TLE1: variants seen among roughly 807,000 people sequenced by gnomAD.
TLE1 encodes transducin-like enhancer protein 1.
In TLE1, 21 loss-of-function variants were observed where a neutral mutation model predicts 89.8. That is an observed-to-expected ratio of 0.23 (90% CI 0.17 to 0.34). The LOEUF (loss-of-function observed/expected upper bound fraction) is 0.34. TLE1 is among the 10% of genes least tolerant of loss of function. The pLI is 1.00. For synonymous variants in TLE1, 447 were observed against 407.6 expected, an observed-to-expected ratio of 1.10 and a Z score of -1.16; for missense variants, 795 against 1,031.2, an observed-to-expected ratio of 0.77 and a Z score of 3.14.
chr9:81,681,018 T>C (rs1833554667), intron 4 of TLE1, among the ~76,000 whole-genome samples: 1 of 151,880 alleles, frequency 6.6e-6, no homozygotes, highest in South Asian at 2.1e-4. Flanking sequence ...GGTGAGTCCC[T>C]AACAGTCCCA....
intron 14 of TLE1, among the ~76,000 whole-genome samples, chr9:81,605,327 A>C (rs995040772): frequency 6.6e-6 from 1 of 152,122 alleles, no homozygotes; most frequent in African/African-American, 2.4e-5. Context: ...CAGCAACCTG[A>C]GGACTTAGGG....
chr9:81,585,783 G>T, intron 17 of TLE1, 128 bp from the exon 18 acceptor site: 1 of 1,162,036 alleles, frequency 8.6e-7, no homozygotes, highest in Non-Finnish European at 1.2e-6. Context: ...ACTGTGGGGA[G>T]GTCCACAGGG....
chr9:81,638,058 G>A (rs185549670), intron 6 of TLE1, among the ~76,000 whole-genome samples: 39 of 152,260 alleles, frequency 2.6e-4, no homozygotes, highest in Admixed American at 1.8e-3. Context: ...CTGAGACTTC[G>A]CATTTCCCCC....
chr9:81,640,277 A>G (rs1273628558), intron 6 of TLE1, among the ~76,000 whole-genome samples: 16 of 152,092 alleles, frequency 1.1e-4, no homozygotes, highest in Admixed American at 1.0e-3. Flanking sequence ...AAAAATAAAA[A>G]TACTATTCAA....
At chr9:81,673,271 T>TA (rs1832461894) in intron 4 of TLE1, among the ~76,000 whole-genome samples, 1 of 71,872 alleles carries the variant, frequency 1.4e-5, no homozygotes, top group Non-Finnish European at 3.0e-5. Context: ...GAGACTTCAT[T>TA]TAAAAAAAAA....
chr9:81,686,004 C>T, intron 2 of TLE1, 108 bp from the exon 3 acceptor site: 2 of 1,161,460 alleles, frequency 1.7e-6, no homozygotes, highest in Non-Finnish European at 2.5e-6. Flanking sequence ...TTGGAAAAGC[C>T]ATAAACTATC....
intron 14 of TLE1, among the ~76,000 whole-genome samples, chr9:81,605,082 A>T (rs1047708142): frequency 2.6e-5 from 4 of 152,112 alleles, no homozygotes; most frequent in African/African-American, 9.7e-5. Flanking sequence ...GACAGTTCAC[A>T]CTCAGTCTAT....
chr9:81,677,130 C>CGTGG (rs1422754631), intron 4 of TLE1, among the ~76,000 whole-genome samples: 1 of 151,988 alleles, frequency 6.6e-6, no homozygotes, highest in African/African-American at 2.4e-5. Flanking sequence ...CCCAGCTACT[C>CGTGG]GTGGGACTGA....
At chr9:81,614,955 G>C (rs1824229009) in intron 11 of TLE1, among the ~76,000 whole-genome samples, 1 of 151,856 alleles carries the variant, frequency 6.6e-6, no homozygotes, top group South Asian at 2.1e-4. Flanking sequence ...AGCACTTTGG[G>C]AGGCCAAGGC....
intron 8 of TLE1, among the ~76,000 whole-genome samples, chr9:81,622,894 G>A (rs1427689613): frequency 6.6e-6 from 1 of 152,128 alleles, no homozygotes; most frequent in Non-Finnish European, 1.5e-5. Context: ...GGCCCACGCA[G>A]CTGCCGGACG....
intron 14 of TLE1, among the ~76,000 whole-genome samples, chr9:81,596,731 T>C (rs1412504066): frequency 1.3e-5 from 2 of 152,144 alleles, no homozygotes; most frequent in Admixed American, 6.5e-5. Context: ...CAGGCAAAAT[T>C]CATCTGCAGT....
At chr9:81,600,163 A>C (rs780685688) in intron 14 of TLE1, 12 of 710,724 alleles carry the variant, frequency 1.7e-5, no homozygotes, top group Non-Finnish European at 3.1e-5. Context: ...GATGGAAAGT[A>C]AAACAAAAAG....
At chr9:81,631,413 C>G (rs1033024840) in intron 8 of TLE1, among the ~76,000 whole-genome samples, 47 of 152,228 alleles carry the variant, frequency 3.1e-4, no homozygotes, top group African/African-American at 1.1e-3. Flanking sequence ...TTCAGAGAGG[C>G]ACATACCACG....
At chr9:81,624,005 G>A (rs1240188365) in intron 8 of TLE1, among the ~76,000 whole-genome samples, 2 of 152,044 alleles carry the variant, frequency 1.3e-5, no homozygotes, top group African/African-American at 4.8e-5. Flanking sequence ...TCCACCACCT[G>A]CTGATTCCCA....
At chr9:81,603,808 C>T (rs547109117) in intron 14 of TLE1, among the ~76,000 whole-genome samples, 219 of 152,266 alleles carry the variant, frequency 1.4e-3, no homozygotes, top group Non-Finnish European at 2.6e-3. Flanking sequence ...TCAAGACCAG[C>T]CTGGCCAACA....
At chr9:81,612,533 C>T (rs891875750) in intron 12 of TLE1, 2 of 181,806 alleles carry the variant, frequency 1.1e-5, no homozygotes, top group Admixed American at 6.5e-5. Flanking sequence ...GGGCTGGAGT[C>T]GCAGAGAAAC....
chr9:81,682,513 G>A (rs1368360366), intron 4 of TLE1, among the ~76,000 whole-genome samples: 1 of 152,212 alleles, frequency 6.6e-6, no homozygotes, highest in Non-Finnish European at 1.5e-5. Context: ...TCATCAGCAT[G>A]CTGAAAAGAT....
chr9:81,634,331 G>T, intron 6 of TLE1, 30 bp from the exon 7 acceptor site: 1 of 1,396,540 alleles, frequency 7.2e-7, no homozygotes, highest in Non-Finnish European at 9.5e-7. Context: ...GAGAGAAAAA[G>T]GAGGAGGAGG....
At chr9:81,597,619 A>C (rs996941449) in intron 14 of TLE1, among the ~76,000 whole-genome samples, 1 of 152,186 alleles carries the variant, frequency 6.6e-6, no homozygotes, top group Non-Finnish European at 1.5e-5. Flanking sequence ...CTCAGAACTG[A>C]GACCCAGCCC....
Sources: gnomAD v4.1 joint callset for allele counts (sites outside exome capture counted in the v4.1 genomes callset) on GRCh38, gnomAD v4.1.1 for gene constraint, MANE v1.5 for transcripts, NCBI Gene and HGNC (gene_info 2026-07-23, HGNC 2026-07-21) for gene names.